SMS: variants seen among roughly 807,000 people sequenced by gnomAD.
The protein encoded by SMS is spermine synthase, also known as spermidine aminopropyltransferase.
A neutral mutation model predicts 33.0 loss-of-function variants in SMS; 3 were observed. The ratio of observed to expected loss-of-function variants is 0.09; its 90% CI spans 0.04 to 0.23. SMS has a LOEUF of 0.23. SMS is among the 10% of genes least tolerant of loss of function. The probability of loss-of-function intolerance (pLI) is 1.00; values close to 1 mark genes in which losing one functional copy is unlikely to be tolerated. For missense variants in SMS, 117 were observed against 288.6 expected, an observed-to-expected ratio of 0.41 and a Z score of 4.31; for synonymous variants, 103 against 112.2, an observed-to-expected ratio of 0.92 and a Z score of 0.52.
In SMS at chrX:21,945,644, CA is replaced by C. The variant is rs1922172386; in HGVS notation, c.49+4772del. Among the ~76,000 whole-genome samples, 5 of 76,681 alleles carry C rather than the reference CA, an allele frequency of 6.5e-5. No individual in the cohort carries two copies. The South Asian group carries it at 5.3e-3, about 81-fold the overall frequency. 66.6% of individuals were successfully genotyped at this position (76,681 alleles called of 115,157 possible). A position where few individuals can be genotyped will look rare whatever the true frequency, so the allele number is the denominator to read the frequency against. On this transcript the variant is annotated intron_variant, in intron 1 of 10. Coordinates refer to ENST00000404933, the MANE Select transcript of SMS (RefSeq NM_004595.5). Reference sequence around the variant, plus strand: ...GTGCTTTGCTTCCCGTCCCCCCCCCCACCCCCTACAGTCTCGCTCTGTCGCC... The same window carrying C: ...GTGCTTTGCTTCCCGTCCCCCCCCCCCCCCCTACAGTCTCGCTCTGTCGCC...
chrX:21,951,704 TC>T (rs1922615861), intron 1 of SMS, among the ~76,000 whole-genome samples: 1 of 108,578 alleles, frequency 9.2e-6, no homozygotes, highest in African/African-American at 3.3e-5. Context: ...GGGAATCCTT[TC>T]CCCATTGCTT....
chrX:21,950,433 CTTT>C (rs55704293), intron 1 of SMS, among the ~76,000 whole-genome samples: 6,849 of 76,660 alleles, frequency 0.089, 356 homozygotes, highest in Admixed American at 0.25. Context: ...TATGACAGGA[CTTT>C]TTTTTTTTTT....
chrX:21,945,865 C>T (rs973851571), intron 1 of SMS, among the ~76,000 whole-genome samples: 1 of 110,860 alleles, frequency 9.0e-6, no homozygotes, highest in Non-Finnish European at 1.9e-5. Context: ...CCTCATGATC[C>T]ACCCGCATTG....
At chrX:21,964,218 T>C (rs768069380) in intron 1 of SMS, among the ~76,000 whole-genome samples, 5 of 111,784 alleles carry the variant, frequency 4.5e-5, no homozygotes, top group Non-Finnish European at 7.5e-5. Context: ...AAAGGCACAG[T>C]TTTGCTAGGA....
At chrX:21,967,604 G>A (rs1190717192) in intron 2 of SMS, among the ~76,000 whole-genome samples, 1 of 111,762 alleles carries the variant, frequency 8.9e-6, no homozygotes, top group Non-Finnish European at 1.9e-5. Flanking sequence ...GCATAAGGGA[G>A]GCAGCCCAGG....
At chrX:21,992,020 A>G (rs1024184846) in intron 9 of SMS, among the ~76,000 whole-genome samples, 4 of 112,219 alleles carry the variant, frequency 3.6e-5, no homozygotes, top group African/African-American at 1.3e-4. Flanking sequence ...AAATGTTAGA[A>G]TAATGAAGTT....
chrX:21,956,975 C>T (rs1018632261), intron 1 of SMS, among the ~76,000 whole-genome samples: 2 of 111,322 alleles, frequency 1.8e-5, no homozygotes, highest in Non-Finnish European at 3.8e-5. Flanking sequence ...GGGCACCAGC[C>T]ACCTCACTGT....
At chrX:21,943,675 C>G (rs146148484) in intron 1 of SMS, among the ~76,000 whole-genome samples, 1 of 110,981 alleles carries the variant, frequency 9.0e-6, no homozygotes, top group Non-Finnish European at 1.9e-5. Flanking sequence ...TCTGTCAGAC[C>G]TTGAGTCATT....
At chrX:21,944,615 G>A (rs1221877926) in intron 1 of SMS, among the ~76,000 whole-genome samples, 1 of 108,786 alleles carries the variant, frequency 9.2e-6, no homozygotes, top group African/African-American at 3.4e-5. Context: ...GGCTGAGGCG[G>A]GAGGATCCCC....
intron 1 of SMS, among the ~76,000 whole-genome samples, chrX:21,964,353 G>C (rs745701190): frequency 9.9e-5 from 11 of 110,861 alleles, no homozygotes; most frequent in Admixed American, 1.9e-4. Context: ...ACTTTTTCTT[G>C]GAGGCTCTTT....
intron 4 of SMS, among the ~76,000 whole-genome samples, chrX:21,975,643 A>G (rs1271472167): frequency 1.8e-5 from 2 of 111,184 alleles, no homozygotes; most frequent in South Asian, 3.7e-4. Context: ...ACATTTTACA[A>G]TTTACAAGAA....
In SMS at chrX:21,978,131, A is replaced by G. The variant is rs200345666; in HGVS notation, c.660+17A>G. 136 of 1,195,107 alleles carry G rather than the reference A, an allele frequency of 1.1e-4. 1 individual carries two copies. The East Asian group carries it at 3.9e-3, about 35-fold the overall frequency. ...ATGGTAGAGATATCCTTTGTTGTAT[A>G]AGAGAACAAGTTCAGTGGGCTTCTT... On this transcript the variant is annotated intron_variant, in intron 6 of 10. Transcript: ENST00000404933.
In SMS at chrX:21,992,670, A is replaced by C; in HGVS notation, c.1019A>C (p.Glu340Ala). Reference sequence around the variant, plus strand: ...CTGGGGCGCCTGTATTGTCCTGTGGAATTTTCAAAGGAGATCGTCTGTGTC... The same window carrying C: ...CTGGGGCGCCTGTATTGTCCTGTGGCATTTTCAAAGGAGATCGTCTGTGTC... ...EQLGRLYCPVEFSKEIVCVPS... is the reference protein window; with the variant it reads ...EQLGRLYCPVAFSKEIVCVPS... Residue 340 changes from glutamate (E) to alanine (A), a missense_variant, in exon 10 of 11, where the codon GAA becomes GCA. By Grantham distance (107) the Glu-to-Ala change is moderately radical (BLOSUM62 -1). Around this residue, in one of 3 missense-constraint regions of SMS, gnomAD observed 69 missense variants for 203.8 expected, o/e 0.34. Transcript: ENST00000404933. The C allele has an allele frequency of 8.3e-7, 1 of 1,200,541 alleles. No homozygotes were observed. Among genetic ancestry groups the C allele is most frequent in the Non-Finnish European group, 1.1e-6 (1 of 886,040 alleles).
intron 2 of SMS, 103 bp downstream of exon 2, chrX:21,967,419 T>G: frequency 1.1e-6 from 1 of 904,320 alleles, no homozygotes; most frequent in Non-Finnish European, 1.6e-6. Flanking sequence ...TTTTCTCCTT[T>G]GACATCTTTT....
chrX:21,984,093 T>A (rs1446474500), intron 7 of SMS, among the ~76,000 whole-genome samples: 1 of 111,640 alleles, frequency 9.0e-6, no homozygotes, highest in Non-Finnish European at 1.9e-5. Flanking sequence ...TTTATTGAAA[T>A]GAGAAGGCAT....
In SMS at chrX:21,941,900, A is replaced by C. The variant is rs1921827290; in HGVS notation, c.49+1027A>C. Among the ~76,000 whole-genome samples the C allele has an allele frequency of 1.1e-4, 9 of 82,993 alleles. 1 individual carries two copies. The South Asian group carries it at 4.0e-3, about 37-fold the overall frequency. The allele number at this position is 82,993 out of a possible 115,157, so 72.1% of individuals were successfully genotyped here. On this transcript the variant is annotated intron_variant, in intron 1 of 10. Coordinates refer to ENST00000404933, the MANE Select transcript of SMS (RefSeq NM_004595.5). ...ACCCTGTCTCAAAAAAAAAAAAAAA[A>C]AAAAAAAAAAAAAAAAAAAAAAACC...
At position 21,956,467 on chromosome X, in the gene SMS, T is replaced by C. The variant is rs1197528799; in HGVS notation, c.50-10729T>C. Among the ~76,000 whole-genome samples, 10 of 108,081 alleles carry C rather than the reference T, an allele frequency of 9.3e-5. No individual in the cohort carries two copies. The Admixed American group carries it at 1.0e-3, about 11-fold the overall frequency. 93.9% of individuals were successfully genotyped at this position (108,081 alleles called of 115,157 possible). On this transcript the variant is annotated intron_variant, in intron 1 of 10. Transcript: ENST00000404933. ...CCTGGCTAATTTTTTTTTATTTTTA[T>C]TTTTATTTTTTTATTTTTTGAGATG...
intron 9 of SMS, among the ~76,000 whole-genome samples, chrX:21,986,603 A>G (rs903555934): frequency 3.6e-5 from 4 of 111,903 alleles, no homozygotes; most frequent in African/African-American, 1.3e-4. Flanking sequence ...CGCTTGGCAA[A>G]ATTGTTCAGA....
intron 7 of SMS, 31 bp from the exon 8 acceptor site, chrX:21,984,273 C>T: frequency 1.1e-6 from 1 of 875,737 alleles, no homozygotes; most frequent in Non-Finnish European, 1.7e-6. Flanking sequence ...CACATGTTGG[C>T]TCACTCATCT....
Sources: gnomAD v4.1 joint callset for allele counts (sites outside exome capture counted in the v4.1 genomes callset) on GRCh38, gnomAD v4.1.1 for gene constraint, gnomAD v4.1.1 regional missense constraint, MANE v1.5 for transcripts, NCBI Gene and HGNC (gene_info 2026-07-23, HGNC 2026-07-21) for gene names.